TBC1D19: variants seen among roughly 807,000 people sequenced by gnomAD.
TBC1D19 encodes the protein TBC1 domain family, member 19.
In TBC1D19, 60 loss-of-function variants were observed where a neutral mutation model predicts 89.0. The ratio of observed to expected loss-of-function variants is 0.67; its 90% CI spans 0.55 to 0.84. The LOEUF (loss-of-function observed/expected upper bound fraction) is 0.84. TBC1D19 is among the 40% of genes least tolerant of loss of function. The pLI, the probability that TBC1D19 is intolerant of heterozygous loss-of-function variation, is 0.00. For synonymous variants in TBC1D19, 189 were observed against 199.7 expected (o/e 0.95, Z 0.45); for missense variants, 500 against 610.8 (o/e 0.82, Z 1.91).
intron 4 of TBC1D19, among the ~76,000 whole-genome samples, chr4:26,632,061 T>C (rs1577838286): frequency 6.6e-6 from 1 of 152,146 alleles, no homozygotes; most frequent in East Asian, 1.9e-4. Flanking sequence ...TAAAGGATAA[T>C]TTAACAAATA....
intron 9 of TBC1D19, among the ~76,000 whole-genome samples, chr4:26,670,238 A>G (rs1449465976): frequency 2.7e-5 from 4 of 150,364 alleles, no homozygotes; most frequent in African/African-American, 4.9e-5. Context: ...TAATCATTTT[A>G]TATATATAAA....
At chr4:26,650,199 A>G (rs1463730148) in intron 7 of TBC1D19, among the ~76,000 whole-genome samples, 1 of 152,062 alleles carries the variant, frequency 6.6e-6, no homozygotes, top group East Asian at 1.9e-4. Context: ...TTATAGCAGC[A>G]TGATTTATAA....
chr4:26,719,995 G>A (rs1052394036), intron 14 of TBC1D19, 86 bp from the exon 15 acceptor site: 30 of 1,113,320 alleles, frequency 2.7e-5, no homozygotes, highest in South Asian at 8.0e-5. Context: ...TTAAAATTCC[G>A]TTGTTAGTAC....
chr4:26,798,221 A>G, the TBC1D19 span, among the ~76,000 whole-genome samples: 1 of 152,332 alleles, frequency 6.6e-6, no homozygotes, highest in African/African-American at 2.4e-5. Flanking sequence ...AACCCCATTA[A>G]AAATGGCAAT....
the TBC1D19 span, among the ~76,000 whole-genome samples, chr4:26,793,233 G>A: frequency 1.2e-3 from 190 of 152,192 alleles, 3 homozygotes; most frequent in Admixed American, 0.012. Flanking sequence ...AGTCCTTCTC[G>A]GCCAGGAGAC....
At chr4:26,695,396 A>T (rs952373220) in intron 13 of TBC1D19, among the ~76,000 whole-genome samples, 1 of 152,226 alleles carries the variant, frequency 6.6e-6, no homozygotes, top group Non-Finnish European at 1.5e-5. Flanking sequence ...GTGTACCTGA[A>T]AGTGATGGGG....
chr4:26,760,897 A>G (rs184877100), downstream of TBC1D19, among the ~76,000 whole-genome samples: 6 of 152,170 alleles, frequency 3.9e-5, no homozygotes, highest in Admixed American at 3.9e-4. Flanking sequence ...TTCCAAGTTA[A>G]TTTTTGTGTA....
At chr4:26,726,221 C>T (rs1182297701) in intron 15 of TBC1D19, among the ~76,000 whole-genome samples, 1 of 151,402 alleles carries the variant, frequency 6.6e-6, no homozygotes, top group Non-Finnish European at 1.5e-5. Context: ...TTTTGGTTGT[C>T]AGCCAGGGGA....
At chr4:26,813,965 C>T in the TBC1D19 span, among the ~76,000 whole-genome samples, 15 of 152,258 alleles carry the variant, frequency 9.9e-5, no homozygotes, top group Admixed American at 9.2e-4. Context: ...CCAAGCAGCC[C>T]GACTTCACAC....
chr4:26,830,780 C>T, the TBC1D19 span, among the ~76,000 whole-genome samples: 1 of 152,170 alleles, frequency 6.6e-6, no homozygotes, highest in Non-Finnish European at 1.5e-5. Flanking sequence ...GTGTTCCTGT[C>T]CTCAAACTGG....
At chr4:26,841,651 G>A in the TBC1D19 span, among the ~76,000 whole-genome samples, 6,658 of 152,264 alleles carry the variant, frequency 0.044, 330 homozygotes, top group African/African-American at 0.12. Flanking sequence ...CAAGTCCCAC[G>A]GCAGCAACCA....
chr4:26,715,038 A>G (rs988625496), intron 13 of TBC1D19, among the ~76,000 whole-genome samples: 1 of 151,954 alleles, frequency 6.6e-6, no homozygotes, highest in Non-Finnish European at 1.5e-5. Flanking sequence ...AAGCTCACCT[A>G]TTTTGTGGCT....
chr4:26,793,861 T>C, the TBC1D19 span, among the ~76,000 whole-genome samples: 1 of 152,218 alleles, frequency 6.6e-6, no homozygotes. Context: ...AACTTACTTC[T>C]TAGTACTTGA....
intron 6 of TBC1D19, among the ~76,000 whole-genome samples, chr4:26,639,441 C>T (rs973418145): frequency 6.6e-6 from 1 of 150,880 alleles, no homozygotes; most frequent in Non-Finnish European, 1.5e-5. Context: ...AGATTCTTGT[C>T]TTTTAATTAA....
At chr4:26,722,664 G>T (rs141740045) in intron 15 of TBC1D19, among the ~76,000 whole-genome samples, 17 of 152,198 alleles carry the variant, frequency 1.1e-4, no homozygotes, top group African/African-American at 3.9e-4. Flanking sequence ...TCTTTATAAT[G>T]AGCTCAAGAC....
intron 10 of TBC1D19, among the ~76,000 whole-genome samples, chr4:26,673,528 C>T: frequency 6.7e-6 from 1 of 149,034 alleles, no homozygotes. Flanking sequence ...ATCTCAAAGT[C>T]CTTACATTAA....
chr4:26,722,420 T>C (rs1717037385), intron 15 of TBC1D19, among the ~76,000 whole-genome samples: 1 of 152,188 alleles, frequency 6.6e-6, no homozygotes, highest in Non-Finnish European at 1.5e-5. Flanking sequence ...ATTGGTTAAC[T>C]CTTTTTTATG....
At chr4:26,632,588 A>G (rs893970154) in intron 4 of TBC1D19, among the ~76,000 whole-genome samples, 28 of 152,068 alleles carry the variant, frequency 1.8e-4, no homozygotes, top group Non-Finnish European at 3.7e-4. Context: ...GAGGCAAAAG[A>G]GGTAGAGGAG....
the TBC1D19 span, among the ~76,000 whole-genome samples, chr4:26,833,794 C>T: frequency 6.6e-6 from 1 of 152,216 alleles, no homozygotes; most frequent in Non-Finnish European, 1.5e-5. Flanking sequence ...CAGAGATTTA[C>T]TGATGACTGC....
Sources: gnomAD v4.1 joint callset for allele counts (sites outside exome capture counted in the v4.1 genomes callset) on GRCh38, gnomAD v4.1.1 for gene constraint, MANE v1.5 for transcripts, NCBI Gene and HGNC (gene_info 2026-07-23, HGNC 2026-07-21) for gene names.